Variants in DAPK2 observed in about 807,000 individuals in gnomAD.
DAPK2 encodes the protein death-associated protein kinase 2.
In DAPK2, 35 loss-of-function variants were observed where a neutral mutation model predicts 44.1. The observed-to-expected ratio is 0.79, with a 90% CI of 0.61 to 1.05. DAPK2 has a LOEUF of 1.05. Among genes scored for constraint, DAPK2 ranks in the 50% least tolerant of loss-of-function variants. The pLI, the probability that DAPK2 is intolerant of heterozygous loss-of-function variation, is 0.00. For synonymous variants in DAPK2, 174 were observed against 182.6 expected, an observed-to-expected ratio of 0.95 and a Z score of 0.38; for missense variants, 453 against 483.2, an observed-to-expected ratio of 0.94 and a Z score of 0.59.
At chr15:63,993,576 A>G (rs75538217) in intron 1 of DAPK2, among the ~76,000 whole-genome samples, 2,294 of 151,934 alleles carry the variant, frequency 0.015, 61 homozygotes, top group African/African-American at 0.053. Flanking sequence ...AATGTTTGTG[A>G]ATTTTTAATC....
intron 4 of DAPK2, among the ~76,000 whole-genome samples, chr15:63,936,748 G>C (rs1235314411): frequency 1.3e-5 from 2 of 152,158 alleles, no homozygotes; most frequent in Non-Finnish European, 2.9e-5. Flanking sequence ...GGGAGGCTGA[G>C]GTGGGAGGAT....
At chr15:64,023,438 G>A (rs2141095433) in intron 1 of DAPK2, among the ~76,000 whole-genome samples, 1 of 152,360 alleles carries the variant, frequency 6.6e-6, no homozygotes, top group Middle Eastern at 3.4e-3. Flanking sequence ...TGGGGGAAGG[G>A]CAGATCCCAG....
intron 6 of DAPK2, among the ~76,000 whole-genome samples, chr15:63,927,339 C>T (rs997594549): frequency 1.1e-4 from 17 of 152,118 alleles, no homozygotes; most frequent in Admixed American, 4.6e-4. Flanking sequence ...TAAGGTTTAC[C>T]GTTCCTTTTC....
chr15:64,025,017 G>C (rs1312323089), intron 1 of DAPK2, among the ~76,000 whole-genome samples: 1 of 152,060 alleles, frequency 6.6e-6, no homozygotes, highest in Admixed American at 6.5e-5. Flanking sequence ...AGGACAACTG[G>C]ACTCTCAGCA....
intron 3 of DAPK2, among the ~76,000 whole-genome samples, chr15:63,941,521 AC>A (rs1447066311): frequency 9.9e-5 from 15 of 152,264 alleles, no homozygotes; most frequent in Middle Eastern, 3.4e-3. Context: ...GTGAATCTGG[AC>A]AGATGCCTTC....
intron 1 of DAPK2, among the ~76,000 whole-genome samples, chr15:63,984,958 G>A (rs2078628939): frequency 1.3e-5 from 2 of 152,200 alleles, no homozygotes; most frequent in South Asian, 4.1e-4. Context: ...AGTTCAGCAA[G>A]CAACAGATAC....
chr15:63,931,584 C>T (rs758259011), intron 4 of DAPK2, among the ~76,000 whole-genome samples: 1 of 152,120 alleles, frequency 6.6e-6, no homozygotes, highest in Non-Finnish European at 1.5e-5. Context: ...GGAGGACATT[C>T]CTGGGGGTCC....
In DAPK2 at chr15:63,929,547, T is replaced by G; in HGVS notation, c.659+4A>C. The G allele has an allele frequency of 6.2e-7, 1 of 1,614,150 alleles. No homozygotes were observed. Among genetic ancestry groups the G allele is most frequent in the Non-Finnish European group, 8.5e-7 (1 of 1,179,998 alleles). ...GCCAGAGCCCCTGGATCAGGGATAC[T>G]CACAGGATGTAGGTGATGACGCCTA... On this transcript the variant is annotated splice_donor_region_variant and intron_variant, in intron 6 of 10. Coordinates refer to ENST00000261891, the Ensembl canonical transcript of DAPK2.
chr15:63,999,405 G>A (rs1020292622), intron 1 of DAPK2, among the ~76,000 whole-genome samples: 1 of 152,050 alleles, frequency 6.6e-6, no homozygotes, highest in Admixed American at 6.6e-5. Flanking sequence ...GGGAGAGGAA[G>A]ATCATCTCCC....
chr15:63,952,612 A>ATTTTTGGG (rs1368800730), intron 3 of DAPK2, among the ~76,000 whole-genome samples: 22 of 151,286 alleles, frequency 1.5e-4, no homozygotes, highest in Non-Finnish European at 3.1e-4. Context: ...AGGACTCATC[A>ATTTTTGGG]CAGATTTTTG....
At chr15:64,043,610 G>T (rs1312445081), upstream of DAPK2, among the ~76,000 whole-genome samples, 1 of 152,170 alleles carries the variant, frequency 6.6e-6, no homozygotes, top group Non-Finnish European at 1.5e-5. Context: ...AGTTGGAAGG[G>T]GAGCTTCGGA....
intron 2 of DAPK2, among the ~76,000 whole-genome samples, chr15:63,975,352 G>A (rs1269736274): frequency 2.0e-5 from 3 of 152,082 alleles, no homozygotes; most frequent in African/African-American, 4.8e-5. Flanking sequence ...CATAATAATA[G>A]CAATTAATAT....
At chr15:64,029,278 C>A (rs1048743148) in intron 1 of DAPK2, among the ~76,000 whole-genome samples, 14 of 152,170 alleles carry the variant, frequency 9.2e-5, no homozygotes, top group African/African-American at 3.4e-4. Flanking sequence ...TGGCTTTGTG[C>A]TTTGTTTTCC....
intron 1 of DAPK2, among the ~76,000 whole-genome samples, chr15:64,027,449 G>C (rs1043374691): frequency 4.6e-5 from 7 of 151,902 alleles, no homozygotes; most frequent in African/African-American, 1.7e-4. Context: ...CATAGTCCCA[G>C]CTCAAGAGGC....
At chr15:63,924,555 A>G in intron 8 of DAPK2, 1 of 449,504 alleles carries the variant, frequency 2.2e-6, no homozygotes, top group Non-Finnish European at 4.0e-6. Flanking sequence ...CCCAAAGAAA[A>G]AGGGTTTCAA....
In DAPK2 at chr15:63,908,451, C is replaced by G; in HGVS notation, c.*69G>C. On this transcript the variant is annotated 3_prime_UTR_variant, in exon 11 of 11. Transcript: ENST00000261891. The surrounding 1 kb of genome is among the most constrained non-coding windows in gnomAD (Gnocchi z 5.7). ...CCGGGTGCTGGTGCTGAGCTGGGTC[C>G]AAAAGTCTGCACAGAAGGGAGCCCC... The G allele has an allele frequency of 9.0e-7, 1 of 1,112,462 alleles. No homozygotes were observed. Among genetic ancestry groups the G allele is most frequent in the South Asian group, 1.6e-5 (1 of 63,250 alleles). The allele number at this position is 1,112,462 out of a possible 1,614,324, so 68.9% of individuals were successfully genotyped here.
At chr15:63,998,548 G>T (rs1295483979) in intron 1 of DAPK2, among the ~76,000 whole-genome samples, 1 of 152,186 alleles carries the variant, frequency 6.6e-6, no homozygotes, top group Non-Finnish European at 1.5e-5. Flanking sequence ...ACACAGAGAA[G>T]GGTCCCCACA....
chr15:63,970,336 A>G (rs2078176650), intron 3 of DAPK2, among the ~76,000 whole-genome samples: 1 of 152,132 alleles, frequency 6.6e-6, no homozygotes, highest in South Asian at 2.1e-4. Context: ...CTGTTTTGTG[A>G]CCATGTATTC....
At chr15:64,035,000 T>C (rs2080137794) in intron 1 of DAPK2, among the ~76,000 whole-genome samples, 1 of 152,176 alleles carries the variant, frequency 6.6e-6, no homozygotes, top group African/African-American at 2.4e-5. Flanking sequence ...AAACCCCATC[T>C]CTACTAAAAG....
Sources: gnomAD v4.1 joint callset for allele counts (sites outside exome capture counted in the v4.1 genomes callset) on GRCh38, gnomAD v4.1.1 for gene constraint, Gnocchi (gnomAD v3.1) non-coding constraint, MANE v1.5 for transcripts, NCBI Gene and HGNC (gene_info 2026-07-23, HGNC 2026-07-21) for gene names.